The following OPHN1 variants were observed in gnomAD, a reference collection of about 807,000 sequenced individuals.
OPHN1 encodes the protein oligophrenin-1.
In OPHN1, 11 loss-of-function variants were observed where a neutral mutation model predicts 60.7. That is an observed-to-expected ratio of 0.18 (90% CI 0.11 to 0.30). The LOEUF is 0.30. OPHN1 is among the 10% of genes least tolerant of loss of function. The probability of loss-of-function intolerance (pLI) is 1.00; values close to 1 mark genes in which losing one functional copy is unlikely to be tolerated. For missense variants in OPHN1, 449 were observed against 611.0 expected (o/e 0.73, Z 2.80); for synonymous variants, 226 against 222.6 (o/e 1.02, Z -0.14).
chrX:68,225,934 G>A (rs2077689350), intron 6 of OPHN1, among the ~76,000 whole-genome samples: 1 of 111,860 alleles, frequency 8.9e-6, no homozygotes, highest in Admixed American at 9.5e-5. Context: ...ACTTCTCCAA[G>A]CTAAAGGAGG....
chrX:68,086,753 C>G (rs1478138164), intron 19 of OPHN1, among the ~76,000 whole-genome samples: 3 of 111,890 alleles, frequency 2.7e-5, no homozygotes, highest in African/African-American at 9.8e-5. Flanking sequence ...TTTCCCTCCT[C>G]TGGACACTGT....
At chrX:68,188,786 C>T (rs771318928) in intron 15 of OPHN1, among the ~76,000 whole-genome samples, 5 of 111,168 alleles carry the variant, frequency 4.5e-5, no homozygotes, top group South Asian at 3.8e-4. Flanking sequence ...TCTATTTGTC[C>T]GAATATATGT....
chrX:68,404,917 G>T (rs1394808152), intron 2 of OPHN1, among the ~76,000 whole-genome samples: 1 of 111,049 alleles, frequency 9.0e-6, no homozygotes, highest in Non-Finnish European at 1.9e-5. Context: ...AAGGCTGGGG[G>T]GAGAAGGGGG....
chrX:68,146,019 AACTATTT>A (rs1439077870), intron 15 of OPHN1, among the ~76,000 whole-genome samples: 5 of 112,236 alleles, frequency 4.5e-5, no homozygotes, highest in African/African-American at 1.6e-4. Flanking sequence ...TCAAAGTCCA[AACTATTT>A]ACTAACTGAC....
At chrX:68,190,802 C>G (rs1373668819) in intron 15 of OPHN1, among the ~76,000 whole-genome samples, 3 of 112,125 alleles carry the variant, frequency 2.7e-5, no homozygotes, top group Non-Finnish European at 5.6e-5. Flanking sequence ...TATGCTGGAC[C>G]ACGATGTCAG....
intron 18 of OPHN1, among the ~76,000 whole-genome samples, chrX:68,105,309 A>G (rs2077076639): frequency 9.0e-6 from 1 of 111,131 alleles, no homozygotes; most frequent in Non-Finnish European, 1.9e-5. Context: ...ATTACTGAGT[A>G]TATACCCAAA....
chrX:68,121,996 T>C (rs1471078787), intron 15 of OPHN1, among the ~76,000 whole-genome samples: 1 of 109,005 alleles, frequency 9.2e-6, no homozygotes, highest in Non-Finnish European at 1.9e-5. Context: ...TAAAGAACCT[T>C]TGGACCCTAA....
chrX:68,273,590 A>C (rs750062329), intron 5 of OPHN1, among the ~76,000 whole-genome samples: 16 of 112,293 alleles, frequency 1.4e-4, no homozygotes, highest in African/African-American at 4.8e-4. Context: ...GCTACTAGAC[A>C]CAAGTGACTG....
intron 20 of OPHN1, among the ~76,000 whole-genome samples, chrX:68,067,533 A>C (rs2076917537): frequency 9.0e-6 from 1 of 110,938 alleles, no homozygotes. Context: ...ATGCATTTTT[A>C]AACATCCCTT....
intron 6 of OPHN1, among the ~76,000 whole-genome samples, chrX:68,231,771 A>G (rs900588879): frequency 8.9e-6 from 1 of 112,083 alleles, no homozygotes; most frequent in East Asian, 2.8e-4. Flanking sequence ...TAAAAAGATC[A>G]GTGGTGTCAG....
intron 16 of OPHN1, among the ~76,000 whole-genome samples, chrX:68,117,360 C>T (rs1602167859): frequency 1.8e-5 from 2 of 111,817 alleles, no homozygotes; most frequent in African/African-American, 6.5e-5. Flanking sequence ...CTTCATAGCA[C>T]GTTATACCTT....
intron 2 of OPHN1, among the ~76,000 whole-genome samples, chrX:68,363,233 C>G (rs1369639326): frequency 1.8e-5 from 2 of 110,303 alleles, no homozygotes; most frequent in Non-Finnish European, 3.8e-5. Context: ...GGCAATAGAG[C>G]AAGACTCCAT....
At chrX:68,223,184 G>A (rs1046154306) in intron 6 of OPHN1, among the ~76,000 whole-genome samples, 11 of 111,679 alleles carry the variant, frequency 9.8e-5, no homozygotes, top group African/African-American at 3.6e-4. Context: ...TCTCACTACT[G>A]AGAATCTACC....
chrX:68,127,269 G>T (rs2077175573), intron 15 of OPHN1, among the ~76,000 whole-genome samples: 1 of 112,277 alleles, frequency 8.9e-6, no homozygotes, highest in Non-Finnish European at 1.9e-5. Context: ...CAAGGTTTTA[G>T]AACGTGGCTG....
intron 23 of OPHN1, among the ~76,000 whole-genome samples, chrX:68,051,696 A>G (rs1376929280): frequency 9.4e-6 from 1 of 106,274 alleles, no homozygotes; most frequent in Non-Finnish European, 2.0e-5. Flanking sequence ...AAAGTAAACT[A>G]AAAAAAAAAA....
intron 2 of OPHN1, among the ~76,000 whole-genome samples, chrX:68,360,720 T>C (rs1194746229): frequency 1.8e-5 from 2 of 109,973 alleles, no homozygotes; most frequent in African/African-American, 3.3e-5. Context: ...GAGGTGGGGG[T>C]TGCAGTGAGT....
Position 68,044,851 on chromosome X carries a change from C to G in OPHN1, c.*2321G>C, listed in dbSNP as rs1305740360. The G allele has an allele frequency of 8.9e-6, 1 of 112,662 alleles. No homozygotes were observed. The highest frequency in any genetic ancestry group is 3.2e-5 in the African/African-American group (1 of 31,020). 9.3% of individuals were successfully genotyped at this position (112,662 alleles called of 1,213,427 possible). A position where few individuals can be genotyped will look rare whatever the true frequency, so the allele number is the denominator to read the frequency against. ...TGTCCCAGGCAACACACAGCAATCT[C>G]ATGACATTTCTGGGACATATTTTCT... is the stretch of plus-strand genomic sequence containing the variant. On this transcript the variant is annotated 3_prime_UTR_variant, in exon 25 of 25. Coordinates refer to ENST00000355520, the MANE Select transcript of OPHN1 (RefSeq NM_002547.3).
intron 2 of OPHN1, among the ~76,000 whole-genome samples, chrX:68,379,707 G>A (rs2078583888): frequency 9.1e-6 from 1 of 109,862 alleles, no homozygotes; most frequent in Non-Finnish European, 1.9e-5. Flanking sequence ...TTTGTCTTTG[G>A]TTCTGTTTAT....
In OPHN1 at chrX:68,064,140, G is replaced by C; in HGVS notation, c.1872C>G (p.Thr624=). The change falls in exon 21 of 25, where the codon ACC becomes ACG. Residue 624 remains threonine (T), a synonymous_variant. Transcript: ENST00000355520. ...GTGGCTTGGGGGGTTCTATGCTGCTGGTGATAGTACCATTCGGTGTTTGAT... is the reference window on the plus strand; with the variant it reads ...GTGGCTTGGGGGGTTCTATGCTGCTCGTGATAGTACCATTCGGTGTTTGAT... ...IQHQTPNGTI[T]SSIEPPKPPQ... is the part of the protein sequence containing the mutation. 8.3e-7 allele frequency: 1 copy of C among 1,211,147 alleles called. No homozygotes were observed.
Sources: allele counts gnomAD v4.1 joint callset (sites outside exome capture counted in the v4.1 genomes callset), GRCh38; gene constraint gnomAD v4.1.1; transcripts MANE v1.5; gene names NCBI Gene and HGNC (gene_info 2026-07-23, HGNC 2026-07-21).